Variants in DLG2 observed in about 807,000 individuals in gnomAD.
DLG2 encodes the protein discs large MAGUK scaffold protein 2.
In DLG2, 45 loss-of-function variants were observed where a neutral mutation model predicts 132.5. The observed-to-expected ratio is 0.34, with a 90% CI of 0.27 to 0.44. DLG2 has a LOEUF of 0.44. DLG2 is among the 20% of genes least tolerant of loss of function. DLG2 has a pLI of 1.00. For missense variants in DLG2, 1,045 were observed against 1,196.9 expected, an observed-to-expected ratio of 0.87 and a Z score of 1.87; for synonymous variants, 424 against 419.6, an observed-to-expected ratio of 1.01 and a Z score of -0.13.
intron 17 of DLG2, 99 bp from the exon 18 acceptor site, chr11:83,786,891 C>A: frequency 1.1e-6 from 1 of 889,258 alleles, no homozygotes; most frequent in South Asian, 1.5e-5. Context: ...AACATTATAT[C>A]ACATGCCTCA....
intron 17 of DLG2, among the ~76,000 whole-genome samples, chr11:83,831,015 G>T (rs1397649162): frequency 6.6e-6 from 1 of 152,148 alleles, no homozygotes; most frequent in Non-Finnish European, 1.5e-5. Flanking sequence ...TCAATCTTCA[G>T]GCTATAGTGA....
At chr11:85,065,586 G>A (rs1240274407) in intron 6 of DLG2, among the ~76,000 whole-genome samples, 1 of 150,492 alleles carries the variant, frequency 6.6e-6, no homozygotes, top group Non-Finnish European at 1.5e-5. Context: ...TATACTTTAA[G>A]TTCTGGGATA....
At chr11:84,131,764 T>C (rs1280660406) in intron 9 of DLG2, among the ~76,000 whole-genome samples, 1 of 151,954 alleles carries the variant, frequency 6.6e-6, no homozygotes, top group South Asian at 2.1e-4. Context: ...ACAGTGATGT[T>C]TTTTCTAAAC....
chr11:84,805,789 A>G lies in DLG2; in HGVS notation c.358-271058T>C, dbSNP rs1033314118. Among the ~76,000 whole-genome samples, 8 of 152,106 alleles carry G rather than the reference A, an allele frequency of 5.3e-5. 1 individual carries two copies. Among genetic ancestry groups the G allele is most frequent in the Admixed American group, 3.3e-4 (5 of 15,272 alleles). On this transcript the variant is annotated intron_variant, in intron 6 of 27. Coordinates refer to ENST00000376104, the MANE Select transcript of DLG2 (RefSeq NM_001142699.3). ...TATACAGCCTGCAGAACCATGAGAC[A>G]TTCAAACATTTTTTTTTAAATAAAT...
intron 6 of DLG2, among the ~76,000 whole-genome samples, chr11:85,032,468 TA>T (rs1202281462): frequency 6.6e-6 from 1 of 152,198 alleles, no homozygotes; most frequent in Non-Finnish European, 1.5e-5. Context: ...AATGTAATTT[TA>T]AAGCAATCTT....
At chr11:83,767,474 A>G (rs965881178) in intron 18 of DLG2, among the ~76,000 whole-genome samples, 1 of 152,190 alleles carries the variant, frequency 6.6e-6, no homozygotes, top group Non-Finnish European at 1.5e-5. Context: ...TGCTGTGAAG[A>G]AACTAAAACA....
intron 19 of DLG2, among the ~76,000 whole-genome samples, chr11:83,566,218 C>T (rs998052468): frequency 6.6e-6 from 1 of 152,124 alleles, no homozygotes; most frequent in Non-Finnish European, 1.5e-5. Context: ...GGTGGAAAAA[C>T]CACAGGCCCA....
intron 18 of DLG2, among the ~76,000 whole-genome samples, chr11:83,655,273 T>G (rs903970121): frequency 6.6e-5 from 10 of 152,158 alleles, no homozygotes; most frequent in Admixed American, 4.6e-4. Context: ...GAAAAGAGTA[T>G]AAGAAGAAAA....
chr11:83,899,380 T>G (rs2072749780), intron 15 of DLG2, among the ~76,000 whole-genome samples: 1 of 152,148 alleles, frequency 6.6e-6, no homozygotes, highest in African/African-American at 2.4e-5. Context: ...TTTCTGGAGG[T>G]GTGAAGTGAT....
At chr11:83,802,277 C>T (rs1262649593) in intron 17 of DLG2, among the ~76,000 whole-genome samples, 4 of 152,108 alleles carry the variant, frequency 2.6e-5, no homozygotes, top group Non-Finnish European at 5.9e-5. Flanking sequence ...ATTGTTCAGG[C>T]AGTGTCAGAC....
At chr11:85,495,981 TC>T (rs1167395574) in intron 3 of DLG2, among the ~76,000 whole-genome samples, 1 of 152,032 alleles carries the variant, frequency 6.6e-6, no homozygotes, top group East Asian at 1.9e-4. Context: ...CCCAGTGAGA[TC>T]GACGCAGAAG....
At chr11:84,473,327 A>G (rs940778194) in intron 7 of DLG2, among the ~76,000 whole-genome samples, 2 of 151,956 alleles carry the variant, frequency 1.3e-5, no homozygotes, top group Non-Finnish European at 1.5e-5. Context: ...GCCTAGGTGA[A>G]TCTAACAGCA....
At chr11:84,525,110 T>C (rs1261493629) in intron 7 of DLG2, among the ~76,000 whole-genome samples, 1 of 152,150 alleles carries the variant, frequency 6.6e-6, no homozygotes, top group Non-Finnish European at 1.5e-5. Context: ...ATGGTGGTGG[T>C]GGACCTGTGT....
chr11:84,540,914 C>T (rs1161102271), intron 6 of DLG2, among the ~76,000 whole-genome samples: 1 of 152,032 alleles, frequency 6.6e-6, no homozygotes, highest in Non-Finnish European at 1.5e-5. Context: ...AGCTGGAAAC[C>T]ATCATTCTGA....
At chr11:85,271,178 A>G (rs1210276672) in intron 4 of DLG2, among the ~76,000 whole-genome samples, 2 of 152,180 alleles carry the variant, frequency 1.3e-5, no homozygotes, top group Admixed American at 6.5e-5. Flanking sequence ...AGCCATGACT[A>G]ACAGGGGCCA....
At chr11:84,567,546 ATCT>A (rs148297805) in intron 6 of DLG2, among the ~76,000 whole-genome samples, 5,613 of 152,296 alleles carry the variant, frequency 0.037, 152 homozygotes, top group Middle Eastern at 0.065. Context: ...GAAATAACAC[ATCT>A]TCTTTTCACT....
rs189238711 is a variant in DLG2 at position 84,156,132 on chromosome 11, G to A, written c.624+7329C>T. ...GGACAGGAAAATACAAAAGAGAAGG[G>A]AAAATTCAAAGATGCCTAGAGTATA... On this transcript the variant is annotated intron_variant, in intron 9 of 27. Coordinates refer to ENST00000376104, the MANE Select transcript of DLG2 (RefSeq NM_001142699.3). Among the ~76,000 whole-genome samples the A allele has an allele frequency of 8.5e-5, 13 of 152,114 alleles. No homozygotes were observed. The East Asian group carries it at 2.1e-3, about 25-fold the overall frequency.
intron 6 of DLG2, among the ~76,000 whole-genome samples, chr11:84,818,230 T>A (rs1345486538): frequency 1.3e-5 from 2 of 152,000 alleles, no homozygotes; most frequent in Admixed American, 6.6e-5. Flanking sequence ...CTGTCTCTAT[T>A]TATTACTCAT....
intron 3 of DLG2, among the ~76,000 whole-genome samples, chr11:85,324,023 C>A (rs917241476): frequency 6.6e-6 from 1 of 152,140 alleles, no homozygotes; most frequent in East Asian, 1.9e-4. Flanking sequence ...GGGGAGTGAA[C>A]ATCTAACTCC....
Sources: gnomAD v4.1 joint callset for allele counts (sites outside exome capture counted in the v4.1 genomes callset) on GRCh38, gnomAD v4.1.1 for gene constraint, MANE v1.5 for transcripts, NCBI Gene and HGNC (gene_info 2026-07-23, HGNC 2026-07-21) for gene names.